The following RESF1 variants were observed in gnomAD, a reference collection of about 807,000 sequenced individuals.
The protein encoded by RESF1 is retroelement silencing factor 1, also known as gonad expressed transcript.
A neutral mutation model predicts 134.7 loss-of-function variants in RESF1; 65 were observed. That is an observed-to-expected ratio of 0.48 (90% CI 0.40 to 0.59). The LOEUF is 0.59. RESF1 is among the 20% of genes least tolerant of loss of function. The pLI is 0.00. For synonymous variants in RESF1, 762 were observed against 702.2 expected, an observed-to-expected ratio of 1.09 and a Z score of -1.35; for missense variants, 2,274 against 2,002.7, an observed-to-expected ratio of 1.14 and a Z score of -2.59.
chr12:31,988,757 C>G (rs1441864623), intron 5 of RESF1, among the ~76,000 whole-genome samples: 1 of 152,052 alleles, frequency 6.6e-6, no homozygotes, highest in Admixed American at 6.6e-5. Flanking sequence ...GTGGCACGAT[C>G]TCGGCCTTGC....
intron 3 of RESF1, among the ~76,000 whole-genome samples, chr12:31,976,715 T>C (rs1939642856): frequency 6.6e-6 from 1 of 152,114 alleles, no homozygotes; most frequent in Non-Finnish European, 1.5e-5. Flanking sequence ...AGAATATATT[T>C]ACTATTCATT....
rs572120500 is a variant in RESF1, at chr12:31,981,131, T to A, written c.176T>A (p.Ile59Asn). 1.2e-6 allele frequency: 2 copies of A among 1,614,190 alleles called. No homozygotes were observed. Among genetic ancestry groups the A allele is most frequent in the Admixed American group, 1.7e-5 (1 of 60,028 alleles). The change falls in exon 4 of 6, where the codon ATT (isoleucine) becomes AAT (asparagine). Residue 59 changes from isoleucine (I) to asparagine (N), a missense_variant. By Grantham distance (149) the Ile-to-Asn change is moderately radical. Transcript: ENST00000312561. ...ACMYPGNSNP[I>N]SQPLLNIQNY... The stretch of plus-strand genomic sequence containing the variant: ...ATGTATCCCGGTAATTCAAATCCAA[T>A]TTCACAGCCACTGCTGAATATCCAA...
At position 31,984,181 on chromosome 12, in the gene RESF1, G is replaced by A; in HGVS notation, c.3226G>A (p.Val1076Met). 1 of 1,613,270 alleles carries A rather than the reference G, an allele frequency of 6.2e-7. No homozygotes were observed. Among genetic ancestry groups the A allele is most frequent in the Admixed American group, 1.7e-5 (1 of 59,768 alleles). ...GGCTGTGAATACACGTGAAGGTTCT[G>A]TGGGCCAGCAAACTACATACCAGAC... Reference protein sequence around the residue: ...IEAVNTREGSVGQQTTYQTSE... With the variant: ...IEAVNTREGSMGQQTTYQTSE... The change falls in exon 4 of 6, where the codon GTG becomes ATG. Residue 1076 changes from valine (V) to methionine (M), a missense_variant. Transcript: ENST00000312561.
Position 31,983,790 on chromosome 12 carries a change from T to C in RESF1, c.2835T>C (p.Asn945=), listed in dbSNP as rs1266277477. The C allele has an allele frequency of 6.2e-7, 1 of 1,613,042 alleles. No individual in the cohort carries two copies. Among genetic ancestry groups the C allele is most frequent in the South Asian group, 1.1e-5 (1 of 90,986 alleles). Reference sequence around the variant, plus strand: ...GAGAACCAGAAAAACAATTAGATAATACCACTGAAAATAAAGACTTTGGTT... The same window carrying C: ...GAGAACCAGAAAAACAATTAGATAACACCACTGAAAATAAAGACTTTGGTT... ...GSREPEKQLD[N]TTENKDFGFQ... Residue 945 remains asparagine (N), a synonymous_variant, in exon 4 of 6, where the codon AAT becomes AAC. Transcript: ENST00000312561.
intron 4 of RESF1, among the ~76,000 whole-genome samples, chr12:31,986,482 T>C (rs954727441): frequency 6.6e-6 from 1 of 152,246 alleles, no homozygotes; most frequent in Non-Finnish European, 1.5e-5. Flanking sequence ...GTTATCACTA[T>C]ATTTAAAATG....
At chr12:31,959,536 T>G (rs1039273511) in intron 1 of RESF1, 45 bp downstream of exon 1, 1 of 152,324 alleles carries the variant, frequency 6.6e-6, no homozygotes, top group African/African-American at 2.4e-5. Flanking sequence ...CCTTCCGGGG[T>G]CCGGGCGGGG....
In RESF1 at chr12:31,983,353, T is replaced by G; in HGVS notation, c.2398T>G (p.Leu800Val). The change falls in exon 4 of 6, where the codon TTA (leucine) becomes GTA (valine). Residue 800 changes from leucine to valine, a missense_variant. Leu to Val is a conservative substitution (Grantham distance 32). Transcript: ENST00000312561. ...TATTAAAGAAGGCAGTGTTTGTAGT[T>G]TACAAAATCAATTGGCAGAAAATGC... ...PVIKEGSVCS[L>V]QNQLAENAKA... 6.2e-7 allele frequency: 1 copy of G among 1,614,086 alleles called. No individual in the cohort carries two copies. The highest frequency in any genetic ancestry group is 8.5e-7 in the Non-Finnish European group (1 of 1,180,020).
chr12:31,969,791 A>G (rs557144244), intron 2 of RESF1, among the ~76,000 whole-genome samples: 2 of 152,202 alleles, frequency 1.3e-5, no homozygotes, highest in East Asian at 1.9e-4. Flanking sequence ...TGCTACCACA[A>G]TGCTGCCCAG....
In RESF1 at chr12:31,985,034, A is replaced by G; in HGVS notation, c.4079A>G (p.Glu1360Gly). 6.3e-7 allele frequency: 1 copy of G among 1,587,038 alleles called. No individual in the cohort carries two copies. Among genetic ancestry groups the G allele is most frequent in the East Asian group, 2.2e-5 (1 of 44,722 alleles). Residue 1360 changes from glutamate (E) to glycine (G), a missense_variant, in exon 4 of 6, where the codon GAA (glutamate) becomes GGA (glycine). By Grantham distance (98) the Glu-to-Gly change is moderately conservative (BLOSUM62 -2). Coordinates refer to ENST00000312561, the MANE Select transcript of RESF1 (RefSeq NM_018169.4). ...TCTTTGGGACAGTCATTATCACCAG[A>G]AAAGATAAAATTGAAACTCAAATCA... ...HSSLGQSLSP[E>G]KIKLKLKSVS... is the part of the protein sequence containing the mutation.
chr12:31,987,354 T>A, intron 5 of RESF1, 32 bp downstream of exon 5: 1 of 1,152,344 alleles, frequency 8.7e-7, no homozygotes, highest in Non-Finnish European at 1.3e-6. Context: ...TTCATTCACT[T>A]ATCTCCCTAT....
chr12:31,987,360 C>G, intron 5 of RESF1, 38 bp downstream of exon 5: 4 of 1,119,114 alleles, frequency 3.6e-6, no homozygotes, highest in Non-Finnish European at 5.4e-6. Context: ...CACTTATCTC[C>G]CTATCTGGTA....
At chr12:31,979,401 C>T (rs1034536088) in intron 3 of RESF1, among the ~76,000 whole-genome samples, 4 of 152,216 alleles carry the variant, frequency 2.6e-5, no homozygotes, top group Non-Finnish European at 4.4e-5. Flanking sequence ...AAGCTAGTCA[C>T]AAGTCCAGGT....
At chr12:31,971,811 G>T (rs182940398) in intron 3 of RESF1, among the ~76,000 whole-genome samples, 8 of 152,146 alleles carry the variant, frequency 5.3e-5, no homozygotes, top group Admixed American at 6.5e-5. Flanking sequence ...CTAATTCCTG[G>T]TACCAATTGT....
intron 2 of RESF1, among the ~76,000 whole-genome samples, chr12:31,961,851 C>T (rs749322949): frequency 2.0e-5 from 3 of 152,220 alleles, no homozygotes; most frequent in Admixed American, 6.5e-5. Flanking sequence ...ACAGGAATCT[C>T]TCTTCCCTCC....
chr12:31,973,539 A>G (rs1345941109), intron 3 of RESF1, among the ~76,000 whole-genome samples: 1 of 152,116 alleles, frequency 6.6e-6, no homozygotes, highest in Non-Finnish European at 1.5e-5. Context: ...TATGTTGTTC[A>G]AGGGTCGATT....
chr12:31,983,489 A>C lies in RESF1; in HGVS notation c.2534A>C (p.Asn845Thr), dbSNP rs1222220226. The C allele has an allele frequency of 1.2e-6, 2 of 1,613,958 alleles. No individual in the cohort carries two copies. Among genetic ancestry groups the C allele is most frequent in the Non-Finnish European group, 1.7e-6 (2 of 1,180,024 alleles). ...TQKEKQNEST[N>T]GNSEVTPNVN... The stretch of plus-strand genomic sequence containing the variant: ...AAGGAAAAGCAGAATGAGTCAACTA[A>C]TGGTAATTCAGAAGTCACACCTAAT... The change falls in exon 4 of 6, where the codon AAT becomes ACT. Residue 845 changes from asparagine (N) to threonine (T), a missense_variant. Physicochemically the swap from Asn to Thr is moderately conservative, Grantham distance 65. Transcript: ENST00000312561.
chr12:31,983,922 CAG>C lies in RESF1; in HGVS notation c.2970_2971del (p.Arg990SerfsTer7), dbSNP rs1372670407. 21 of 1,613,626 alleles carry C rather than the reference CAG, an allele frequency of 1.3e-5. No homozygotes were observed. The highest frequency in any genetic ancestry group is 6.7e-5 in the East Asian group (3 of 44,900). ...CATCTTTTAACAATCTTGAAACAAACAGAGTTATTCTAGAGAAAAGTAGTTTG... is the reference window on the plus strand; with the variant it reads ...CATCTTTTAACAATCTTGAAACAAACAGTTATTCTAGAGAAAAGTAGTTTG... ...ESSFNNLETNRVILEKSSLEH... is the reference protein window; with the variant it reads ...ESSFNNLETNXVILEKSSLEH... On this transcript the variant is annotated frameshift_variant, in exon 4 of 6. Transcript: ENST00000312561. LOFTEE classifies it high-confidence loss of function.
intron 5 of RESF1, among the ~76,000 whole-genome samples, chr12:31,989,125 G>A (rs896695767): frequency 3.1e-4 from 47 of 151,512 alleles, no homozygotes; most frequent in African/African-American, 9.9e-4. Context: ...GGCTGGGCAC[G>A]GTGGCTCACA....
rs753945761 is a variant in RESF1, at chr12:31,983,699, C to A, written c.2744C>A (p.Ser915Tyr). 5.6e-6 allele frequency: 9 copies of A among 1,613,856 alleles called. No homozygotes were observed. The East Asian group carries it at 2.0e-4, about 36-fold the overall frequency. Reference sequence around the variant, plus strand: ...TCCCAAATAGCAAAGATATTCAGCTCTCTTCCCTTGAAAATGGTTGAGCCA... The same window carrying A: ...TCCCAAATAGCAAAGATATTCAGCTATCTTCCCTTGAAAATGGTTGAGCCA... The part of the protein sequence containing the change: ...YNSQIAKIFS[S>Y]LPLKMVEPQK... The change falls in exon 4 of 6, where the codon TCT becomes TAT. Residue 915 changes from serine (S) to tyrosine (Y), a missense_variant. Coordinates refer to ENST00000312561, the MANE Select transcript of RESF1 (RefSeq NM_018169.4).
Sources: allele counts gnomAD v4.1 joint callset (sites outside exome capture counted in the v4.1 genomes callset), GRCh38; gene constraint gnomAD v4.1.1; transcripts MANE v1.5; gene names NCBI Gene and HGNC (gene_info 2026-07-23, HGNC 2026-07-21).